Variants in BAHCC1 observed in about 807,000 individuals in gnomAD.
BAHCC1 encodes BAH domain and coiled-coil containing 1.
Under a neutral mutation model 88.2 loss-of-function variants are expected in BAHCC1, and 43 were observed. The observed-to-expected ratio is 0.49, with a 90% confidence interval of 0.38 to 0.63. The LOEUF (loss-of-function observed/expected upper bound fraction) is 0.63. Among genes scored for constraint, BAHCC1 ranks in the 20% least tolerant of loss-of-function variants. The pLI is 0.00. For synonymous variants in BAHCC1, 1,510 were observed against 745.5 expected (o/e 2.03, Z -16.71); for missense variants, 3,023 against 1,654.8 (o/e 1.83, Z -14.34).
rs376358700 is a variant in BAHCC1, at chr17:81,447,665, G to A, written c.3793G>A (p.Ala1265Thr). ...RALPGLDALV[A>T]ATINLGDLPS... ...GCTACCAGGCCTGGATGCCTTGGTG[G>A]CCGCCACCATCAACCTGGGGGACCT... Residue 1265 changes from alanine to threonine, a missense_variant, in exon 11 of 28, where the codon GCC (alanine) becomes ACC (threonine). By Grantham distance (58) the Ala-to-Thr change is moderately conservative (BLOSUM62 0). Coordinates refer to ENST00000675386, the MANE Select transcript of BAHCC1 (RefSeq NM_001377448.1). The A allele has an allele frequency of 1.9e-5, 14 of 739,160 alleles. No homozygotes were observed. The highest frequency in any genetic ancestry group is 2.8e-5 in the Non-Finnish European group (11 of 398,182). The allele number at this position is 739,160 out of a possible 1,614,324, so 45.8% of individuals were successfully genotyped here.
At chr17:81,431,271 G>C (rs917457563) in intron 3 of BAHCC1, among the ~76,000 whole-genome samples, 12,660 of 151,902 alleles carry the variant, frequency 0.083, 624 homozygotes, top group Middle Eastern at 0.14. Context: ...ACCCTGCCAG[G>C]GTCCCAGCCT....
chr17:81,449,537 C>G (rs2064594657), intron 11 of BAHCC1, among the ~76,000 whole-genome samples: 1 of 152,196 alleles, frequency 6.6e-6, no homozygotes, highest in South Asian at 2.1e-4. Context: ...GGGAGCCACA[C>G]GCCTGTAGCC....
In BAHCC1 at chr17:81,447,888, A is replaced by G. The variant is rs10871497; in HGVS notation, c.3976+40A>G. The G allele has an allele frequency of 0.74, 526,785 of 712,782 alleles. 197,003 individuals are homozygous for G. Among genetic ancestry groups the G allele is most frequent in the Non-Finnish European group, 0.78 (299,893 of 384,806 alleles). 44.2% of individuals were successfully genotyped at this position (712,782 alleles called of 1,614,324 possible). Reference sequence around the variant, plus strand: ...TGCCGCCACCCCCCAGAGTCCCAGCAGTGGGACCCACACGCCTGCCTCAGG... The same window carrying G: ...TGCCGCCACCCCCCAGAGTCCCAGCGGTGGGACCCACACGCCTGCCTCAGG... On this transcript the variant is annotated intron_variant, in intron 11 of 27. Transcript: ENST00000675386.
intron 4 of BAHCC1, among the ~76,000 whole-genome samples, chr17:81,439,202 C>G (rs1314736066): frequency 6.6e-6 from 1 of 152,154 alleles, no homozygotes; most frequent in Non-Finnish European, 1.5e-5. Context: ...GTCCTTATCT[C>G]CAAGTTGGGT....
At chr17:81,432,544 A>G (rs1407493098) in intron 3 of BAHCC1, among the ~76,000 whole-genome samples, 94 of 13,584 alleles carry the variant, frequency 6.9e-3, no homozygotes, top group Non-Finnish European at 0.013. Flanking sequence ...CCCACCCATC[A>G]CCAGGCCCAC....
At chr17:81,404,047 G>A (rs1235639953) in intron 2 of BAHCC1, among the ~76,000 whole-genome samples, 2 of 152,334 alleles carry the variant, frequency 1.3e-5, no homozygotes, top group African/African-American at 4.8e-5. Flanking sequence ...CCTGGAAAAC[G>A]CGCGTCCCCC....
rs2143614702 is a variant in BAHCC1, at chr17:81,455,316, A to G, written c.4495A>G (p.Ser1499Gly). Residue 1499 changes from serine (S) to glycine (G), a missense_variant, in exon 15 of 28, where the codon AGT (serine) becomes GGT (glycine). Transcript: ENST00000675386. ...GCTGTGTGCGGAGCTGCGAGGAGGC[A>G]GTGGGGGCGAGCCTGCGAAGAAGCG... ...GLLCAELRGGSGGEPAKKRSK... is the reference protein window; with the variant it reads ...GLLCAELRGGGGGEPAKKRSK... The G allele has an allele frequency of 1.4e-6, 1 of 717,290 alleles. No homozygotes were observed. Among genetic ancestry groups the G allele is most frequent in the Non-Finnish European group, 2.6e-6 (1 of 385,278 alleles). 44.4% of individuals were successfully genotyped at this position (717,290 alleles called of 1,614,324 possible).
At chr17:81,429,188 G>T (rs945559256) in intron 3 of BAHCC1, among the ~76,000 whole-genome samples, 10,454 of 152,270 alleles carry the variant, frequency 0.069, 694 homozygotes, top group African/African-American at 0.17. Context: ...GGCGGGACAA[G>T]GGGGTGCAGG....
rs369872052 is a variant in BAHCC1, at chr17:81,442,305, G to A, written c.956G>A (p.Arg319His). ...RPGTGVVTSG[R>H]CAKEAAGPPE... Reference sequence around the variant, plus strand: ...GGCACGGGGGTGGTGACCTCCGGGCGCTGTGCAAAGGAGGCAGCAGGCCCC... The same window carrying A: ...GGCACGGGGGTGGTGACCTCCGGGCACTGTGCAAAGGAGGCAGCAGGCCCC... Residue 319 changes from arginine to histidine, a missense_variant, in exon 5 of 28, where the codon CGC becomes CAC. Transcript: ENST00000675386. 11 of 652,494 alleles carry A rather than the reference G, an allele frequency of 1.7e-5. No homozygotes were observed. The highest frequency in any genetic ancestry group is 9.2e-5 in the African/African-American group (5 of 54,388). 40.4% of individuals were successfully genotyped at this position (652,494 alleles called of 1,614,324 possible).
At chr17:81,455,682 C>T (rs1462417011) in intron 15 of BAHCC1, among the ~76,000 whole-genome samples, 19 of 152,254 alleles carry the variant, frequency 1.2e-4, no homozygotes, top group African/African-American at 4.3e-4. Context: ...CACAGAGACT[C>T]CCTGGAACGA....
chr17:81,399,128 A>AGTGTGTGTGTGTGTGTGTGT lies in BAHCC1; in HGVS notation c.-206-400_-206-381dup. On this transcript the variant is annotated intron_variant, in intron 1 of 27. Coordinates refer to ENST00000675386, the MANE Select transcript of BAHCC1 (RefSeq NM_001377448.1). This position sits in a 1 kb window ranked among gnomAD's most constrained non-coding sequence, Gnocchi z 4.5. Reference sequence around the variant, plus strand: ...GGGGAGGGGAGAGGGTGTGCGTGTGAGTGTGTGTGTGTGTGTGTGTGTGTG... The same window carrying AGTGTGTGTGTGTGTGTGTGT: ...GGGGAGGGGAGAGGGTGTGCGTGTGAGTGTGTGTGTGTGTGTGTGTGTGTGTGTGTGTGTGTGTGTGTGTG... 1 of 230,794 alleles carries AGTGTGTGTGTGTGTGTGTGT rather than the reference A, an allele frequency of 4.3e-6. No homozygotes were observed. 14.3% of individuals were successfully genotyped at this position (230,794 alleles called of 1,614,324 possible). A position where few individuals can be genotyped will look rare whatever the true frequency, so the allele number is the denominator to read the frequency against.
chr17:81,460,543 T>C lies in BAHCC1; in HGVS notation c.6039T>C (p.Ser2013=). 1.3e-6 allele frequency: 1 copy of C among 756,920 alleles called. No homozygotes were observed. Among genetic ancestry groups the C allele is most frequent in the South Asian group, 1.4e-5 (1 of 70,786 alleles). The allele number at this position is 756,920 out of a possible 1,614,324, so 46.9% of individuals were successfully genotyped here. Residue 2013 remains serine (S), a synonymous_variant, in exon 25 of 28, where the codon TCT becomes TCC. Coordinates refer to ENST00000675386, the MANE Select transcript of BAHCC1 (RefSeq NM_001377448.1). ...TGCTATCCACAGGCACAGAGCCCTC[T>C]CCAGCCCTGCTAGTGTCTAGCAGCT... The part of the protein sequence containing the change: ...PDFKIQCTEP[S]PALLVSSSCR...
chr17:81,410,098 G>T, intron 2 of BAHCC1: 1 of 354,604 alleles, frequency 2.8e-6, no homozygotes, highest in South Asian at 2.0e-5. Flanking sequence ...GGTTGAGTGG[G>T]ACTGGGGGAT....
chr17:81,437,156 C>T (rs530375370), intron 3 of BAHCC1, among the ~76,000 whole-genome samples: 3 of 152,274 alleles, frequency 2.0e-5, no homozygotes, highest in East Asian at 1.9e-4. Flanking sequence ...GAGGGCCCCC[C>T]GCCCTGCCCC....
chr17:81,418,478 G>C (rs1180554514), intron 2 of BAHCC1, among the ~76,000 whole-genome samples: 1 of 152,180 alleles, frequency 6.6e-6, no homozygotes, highest in Non-Finnish European at 1.5e-5. Context: ...GTGGGCTGGG[G>C]GGCTGGAGCT....
intron 14 of BAHCC1, among the ~76,000 whole-genome samples, chr17:81,454,574 G>A (rs1374188079): frequency 3.8e-4 from 8 of 21,194 alleles, no homozygotes; most frequent in African/African-American, 7.7e-4. Context: ...CCCTACCCCC[G>A]CCCCTGGTGG....
chr17:81,417,560 C>CG (rs1555648942), intron 2 of BAHCC1, among the ~76,000 whole-genome samples: 1 of 136,584 alleles, frequency 7.3e-6, no homozygotes, highest in African/African-American at 2.8e-5. Context: ...CGGCCACCCC[C>CG]CCCCCGCCCT....
rs932782940 is a variant in BAHCC1 at position 81,430,829 on chromosome 17, G to A, written c.358+3850G>A. On this transcript the variant is annotated intron_variant, in intron 3 of 27. Coordinates refer to ENST00000675386, the MANE Select transcript of BAHCC1 (RefSeq NM_001377448.1). ...TTCTTGGTCTGTCTCCCACAGGCCC[G>A]CTGACCACCCCAGCACTGACGTTTC... is the stretch of plus-strand genomic sequence containing the variant. Among the ~76,000 whole-genome samples, 10 of 152,138 alleles carry A rather than the reference G, an allele frequency of 6.6e-5. No individual in the cohort carries two copies. The East Asian group carries it at 9.7e-4, about 15-fold the overall frequency.
chr17:81,456,353 C>T lies in BAHCC1; in HGVS notation c.4626C>T (p.Ala1542=). 2.8e-6 allele frequency: 2 copies of T among 722,344 alleles called. No individual in the cohort carries two copies. The highest frequency in any genetic ancestry group is 2.9e-5 in the South Asian group (2 of 68,010). The allele number at this position is 722,344 out of a possible 1,614,324, so 44.7% of individuals were successfully genotyped here. Reference sequence around the variant, plus strand: ...AGGGCGGGCTGGCGCCCTCCGTGGCCCACAGGGTGGCCCAGCTGAAACCCA... The same window carrying T: ...AGGGCGGGCTGGCGCCCTCCGTGGCTCACAGGGTGGCCCAGCTGAAACCCA... ...SCQGGLAPSV[A]HRVAQLKPKV... Residue 1542 remains alanine, a synonymous_variant, in exon 16 of 28, where the codon GCC becomes GCT. Transcript: ENST00000675386.
Sources: allele counts gnomAD v4.1 joint callset (sites outside exome capture counted in the v4.1 genomes callset), GRCh38; gene constraint gnomAD v4.1.1; non-coding constraint Gnocchi (gnomAD v3.1); transcripts MANE v1.5; gene names NCBI Gene and HGNC (gene_info 2026-07-23, HGNC 2026-07-21).